ITGB3: variants seen among roughly 807,000 people sequenced by gnomAD.
ITGB3 encodes the protein integrin beta-3.
In ITGB3, 48 loss-of-function variants were observed where a neutral mutation model predicts 85.8. The ratio of observed to expected loss-of-function variants is 0.56; its 90% CI spans 0.44 to 0.71. The LOEUF (loss-of-function observed/expected upper bound fraction) is 0.71. ITGB3 is among the 30% of genes least tolerant of loss of function. The probability of loss-of-function intolerance (pLI) is 0.00; values close to 1 mark genes in which losing one functional copy is unlikely to be tolerated. For synonymous variants in ITGB3, 363 were observed against 395.6 expected (o/e 0.92, Z 0.98); for missense variants, 861 against 1,019.1 (o/e 0.84, Z 2.11).
At chr17:47,298,576 C>G (rs2065154559) in intron 10 of ITGB3, among the ~76,000 whole-genome samples, 2 of 152,182 alleles carry the variant, frequency 1.3e-5, no homozygotes, top group Non-Finnish European at 2.9e-5. Flanking sequence ...CCCTATGCTA[C>G]AATTTTCCTG....
At chr17:47,270,299 T>C (rs969923793) in intron 1 of ITGB3, among the ~76,000 whole-genome samples, 1 of 152,192 alleles carries the variant, frequency 6.6e-6, no homozygotes, top group African/African-American at 2.4e-5. Context: ...CAATGGCATT[T>C]ATGTCCAGAA....
chr17:47,283,529 T>C lies in ITGB3; in HGVS notation c.341T>C (p.Ile114Thr), dbSNP rs766857301. ...GTCACTCAAGTCAGTCCCCAGAGGA[T>C]TGCACTCCGGCTCCGGCCAGGTAGG... is the stretch of plus-strand genomic sequence containing the variant. Reference protein sequence around the residue: ...SQVTQVSPQRIALRLRPDDSK... With the variant: ...SQVTQVSPQRTALRLRPDDSK... The change falls in exon 3 of 15, where the codon ATT becomes ACT. Residue 114 changes from isoleucine to threonine, a missense_variant. By Grantham distance (89) the Ile-to-Thr change is moderately conservative. Transcript: ENST00000559488. 6.2e-7 allele frequency: 1 copy of C among 1,614,116 alleles called. No homozygotes were observed. Among genetic ancestry groups the C allele is most frequent in the Admixed American group, 1.7e-5 (1 of 60,020 alleles).
intron 1 of ITGB3, among the ~76,000 whole-genome samples, chr17:47,255,039 T>C (rs2064983690): frequency 6.6e-6 from 1 of 152,058 alleles, no homozygotes; most frequent in East Asian, 1.9e-4. Context: ...AGTGCAGTGG[T>C]GGGTTCTCGG....
At chr17:47,301,995 GCTGTGTGAC>G (rs1334720607) in intron 12 of ITGB3, among the ~76,000 whole-genome samples, 1 of 152,106 alleles carries the variant, frequency 6.6e-6, no homozygotes, top group Non-Finnish European at 1.5e-5. Context: ...TCACTCATTT[GCTGTGTGAC>G]CTGGGTACAT....
At chr17:47,272,056 ATT>A (rs58156465) in intron 1 of ITGB3, among the ~76,000 whole-genome samples, 44 of 103,244 alleles carry the variant, frequency 4.3e-4, no homozygotes, top group East Asian at 1.3e-3. Flanking sequence ...CACCGGGGCT[ATT>A]TTTTTTTTTT....
chr17:47,286,328 G>A lies in ITGB3; in HGVS notation c.683G>A (p.Arg228His), dbSNP rs756689153. 3.3e-5 allele frequency: 54 copies of A among 1,614,076 alleles called. No individual in the cohort carries two copies. Among genetic ancestry groups the A allele is most frequent in the African/African-American group, 8.0e-5 (6 of 74,924 alleles). ...CTGACGCTAACTGACCAGGTGACCC[G>A]CTTCAATGAGGAAGTGAAGAAGCAG... is the stretch of plus-strand genomic sequence containing the variant. ...HVLTLTDQVT[R>H]FNEEVKKQSV... The change falls in exon 5 of 15, where the codon CGC becomes CAC. Residue 228 changes from arginine (R) to histidine (H), a missense_variant. Transcript: ENST00000559488.
chr17:47,308,745 C>T (rs1031013990), intron 14 of ITGB3, among the ~76,000 whole-genome samples: 16 of 152,022 alleles, frequency 1.1e-4, no homozygotes, highest in African/African-American at 3.4e-4. Flanking sequence ...CGTGATCACC[C>T]GCCTCGGCCT....
intron 13 of ITGB3, 110 bp downstream of exon 13, chr17:47,302,950 C>G: frequency 2.3e-6 from 3 of 1,315,000 alleles, no homozygotes; most frequent in Non-Finnish European, 3.2e-6. Context: ...GTTAAGCCTG[C>G]AAGTGATAAG....
chr17:47,295,056 A>G (rs12949936), intron 10 of ITGB3, among the ~76,000 whole-genome samples: 43,589 of 152,142 alleles, frequency 0.29, 6,395 homozygotes, highest in East Asian at 0.33. Context: ...TCAGTCAGGC[A>G]GCTTCTGTGA....
Position 47,310,410 on chromosome 17 carries a change from AGTGT to A in ITGB3, c.*209_*212del, listed in dbSNP as rs1211970306. 2 of 654,392 alleles carry A rather than the reference AGTGT, an allele frequency of 3.1e-6. No homozygotes were observed. The highest frequency in any genetic ancestry group is 5.6e-6 in the Non-Finnish European group (2 of 357,388). The allele number at this position is 654,392 out of a possible 1,614,324, so 40.5% of individuals were successfully genotyped here. ...TTTATGTGTGTGTGTTGTGTGTGGG[AGTGT>A]GTAATTTAAAATTGTGATGTGTCCT... On this transcript the variant is annotated 3_prime_UTR_variant, in exon 15 of 15. Coordinates refer to ENST00000559488, the MANE Select transcript of ITGB3 (RefSeq NM_000212.3).
At chr17:47,264,041 T>C (rs1242433562) in intron 1 of ITGB3, among the ~76,000 whole-genome samples, 2 of 152,212 alleles carry the variant, frequency 1.3e-5, no homozygotes, top group Non-Finnish European at 2.9e-5. Context: ...CTGCCTAGGA[T>C]CCTGATGAGG....
At position 47,299,747 on chromosome 17, in the gene ITGB3, G is replaced by C. The variant is rs1283614366; in HGVS notation, c.1913+217G>C. On this transcript the variant is annotated intron_variant, in intron 11 of 14. Transcript: ENST00000559488. The surrounding 1 kb of genome is among the most constrained non-coding windows in gnomAD (Gnocchi z 5.1). The stretch of plus-strand genomic sequence containing the variant: ...GCCAAAGTTGAACGAGCTGGACTTC[G>C]ATTGAGAATGTCCTCTCCTAGGGTG... 6.6e-6 allele frequency among the ~76,000 whole-genome samples: 1 copy of C among 152,230 alleles called. No individual in the cohort carries two copies. The highest frequency in any genetic ancestry group is 1.5e-5 in the Non-Finnish European group (1 of 68,040).
intron 1 of ITGB3, among the ~76,000 whole-genome samples, chr17:47,271,055 T>C (rs968342767): frequency 6.6e-6 from 1 of 152,242 alleles, no homozygotes; most frequent in African/African-American, 2.4e-5. Context: ...GAACTGGAGC[T>C]GAGCTGGGCA....
chr17:47,289,824 G>A, intron 7 of ITGB3, 48 bp downstream of exon 7: 1 of 1,304,442 alleles, frequency 7.7e-7, no homozygotes, highest in Non-Finnish European at 1.1e-6. Flanking sequence ...GATGGTGGGT[G>A]CCCCAGGTAG....
chr17:47,303,541 G>A (rs566999586), intron 13 of ITGB3: 2 of 152,478 alleles, frequency 1.3e-5, no homozygotes, highest in African/African-American at 4.8e-5. Flanking sequence ...GTTGCCAAGA[G>A]CAACTTGACT....
intron 14 of ITGB3, among the ~76,000 whole-genome samples, chr17:47,309,340 A>G (rs963860836): frequency 6.6e-6 from 1 of 152,106 alleles, no homozygotes; most frequent in African/African-American, 2.4e-5. Context: ...GGCATAAACC[A>G]CCATGCCTGG....
chr17:47,253,977 C>G (rs568320937), intron 1 of ITGB3, 37 bp downstream of exon 1: 119 of 1,292,392 alleles, frequency 9.2e-5, no homozygotes, highest in Non-Finnish European at 1.1e-4. Context: ...TCGCAGCTGC[C>G]CCAGGATCTG....
At chr17:47,272,855 C>T (rs2065050574) in intron 1 of ITGB3, among the ~76,000 whole-genome samples, 1 of 151,834 alleles carries the variant, frequency 6.6e-6, no homozygotes, top group Non-Finnish European at 1.5e-5. Context: ...CTAACTGCAA[C>T]CTCTGCCTCC....
At chr17:47,300,790 A>G (rs1451749232) in intron 12 of ITGB3, among the ~76,000 whole-genome samples, 1 of 152,080 alleles carries the variant, frequency 6.6e-6, no homozygotes, top group African/African-American at 2.4e-5. Flanking sequence ...GCCATCCACC[A>G]CTTCTGCTTC....
Sources: allele counts gnomAD v4.1 joint callset (sites outside exome capture counted in the v4.1 genomes callset), GRCh38; gene constraint gnomAD v4.1.1; non-coding constraint Gnocchi (gnomAD v3.1); transcripts MANE v1.5; gene names NCBI Gene and HGNC (gene_info 2026-07-23, HGNC 2026-07-21).